The following KAZN variants were observed in gnomAD, a reference collection of about 807,000 sequenced individuals.
KAZN encodes the protein kazrin, periplakin interacting protein.
In KAZN, 40 loss-of-function variants were observed where a neutral mutation model predicts 87.4. That is an observed-to-expected ratio of 0.46 (90% confidence interval 0.36 to 0.60). The LOEUF is 0.60. KAZN is among the 20% of genes least tolerant of loss of function. The pLI, the probability that KAZN is intolerant of heterozygous loss-of-function variation, is 0.00. For missense variants in KAZN, 898 were observed against 1,073.9 expected (o/e 0.84, Z 2.29); for synonymous variants, 466 against 458.3 (o/e 1.02, Z -0.22).
chr1:13,952,863 T>A (rs1641405013), intron 1 of KAZN, among the ~76,000 whole-genome samples: 1 of 152,210 alleles, frequency 6.6e-6, no homozygotes, highest in Non-Finnish European at 1.5e-5. Flanking sequence ...GGATCTCCAC[T>A]TAGTCGCCTT....
intron 2 of KAZN, among the ~76,000 whole-genome samples, chr1:14,349,786 G>A: frequency 6.6e-6 from 1 of 152,154 alleles, no homozygotes; most frequent in East Asian, 1.9e-4. Flanking sequence ...TGGCCTGGCA[G>A]GCTAAAGAGC....
intron 2 of KAZN, among the ~76,000 whole-genome samples, chr1:14,222,736 C>T (rs1647133663): frequency 6.6e-6 from 1 of 152,166 alleles, no homozygotes. Context: ...GAATGTAAGG[C>T]TATTTATTTC....
intron 1 of KAZN, among the ~76,000 whole-genome samples, chr1:13,895,622 C>T (rs375102547): frequency 6.9e-4 from 105 of 152,178 alleles, no homozygotes; most frequent in African/African-American, 2.4e-3. Context: ...GAGACCAACA[C>T]TGATACGTCT....
In KAZN at chr1:14,150,294, C is replaced by T. The variant is rs12084376; in HGVS notation, c.92-30141C>T. Among the ~76,000 whole-genome samples, 1,261 of 152,252 alleles carry T rather than the reference C, an allele frequency of 8.3e-3. 21 individuals are homozygous for T. Among genetic ancestry groups the T allele is most frequent in the African/African-American group, 0.028 (1,168 of 41,546 alleles). On this transcript the variant is annotated intron_variant, in intron 1 of 16. Transcript: ENST00000636203. ...TGAATAGCTTAGCTTAAATGGGTGC[C>T]AACTATCTGGTAACTTTATACAGCC...
rs571380499 is a variant in KAZN at position 15,018,901 on chromosome 1, C to T, written c.419-15848C>T. On this transcript the variant is annotated intron_variant, in intron 2 of 14. Coordinates refer to ENST00000376030, the MANE Select transcript of KAZN (RefSeq NM_201628.3). Reference sequence around the variant, plus strand: ...GATTCTAAAGCTCATCTTCAGATATCGTTTCCACCTGTGAGGTTGCTAGGT... The same window carrying T: ...GATTCTAAAGCTCATCTTCAGATATTGTTTCCACCTGTGAGGTTGCTAGGT... Among the ~76,000 whole-genome samples, 14 of 152,298 alleles carry T rather than the reference C, an allele frequency of 9.2e-5. No individual in the cohort carries two copies. The South Asian group carries it at 2.9e-3, about 32-fold the overall frequency.
chr1:14,481,296 G>A (rs1571757121), intron 2 of KAZN, among the ~76,000 whole-genome samples: 1 of 152,102 alleles, frequency 6.6e-6, no homozygotes, highest in South Asian at 2.1e-4. Flanking sequence ...AAATAAGTTA[G>A]TATATGAAAA....
chr1:15,048,683 T>C (rs113094701), intron 4 of KAZN, among the ~76,000 whole-genome samples: 30,326 of 134,702 alleles, frequency 0.23, 4,787 homozygotes, highest in East Asian at 0.67. Context: ...CCTGGGTCGT[T>C]GGTCCTGGGT....
intron 1 of KAZN, among the ~76,000 whole-genome samples, chr1:14,844,450 C>A (rs1369521050): frequency 6.6e-6 from 1 of 152,172 alleles, no homozygotes; most frequent in Admixed American, 6.5e-5. Context: ...TGAACAGCAA[C>A]TTTTGGAAAC....
intron 1 of KAZN, among the ~76,000 whole-genome samples, chr1:14,834,582 C>T (rs1183983863): frequency 6.6e-6 from 1 of 151,494 alleles, no homozygotes; most frequent in African/African-American, 2.4e-5. Flanking sequence ...AGGATGGTCT[C>T]GATCTCCTGA....
At position 14,406,354 on chromosome 1, in the gene KAZN, C is replaced by G. The variant is rs185531291; in HGVS notation, c.250-192629C>G. Among the ~76,000 whole-genome samples, 167 of 152,228 alleles carry G rather than the reference C, an allele frequency of 1.1e-3. 4 individuals carry two copies. The highest frequency in any genetic ancestry group is 0.011 in the Admixed American group (166 of 15,294). On this transcript the variant is annotated intron_variant, in intron 2 of 16. Coordinates refer to the KAZN transcript ENST00000636203. Reference sequence around the variant, plus strand: ...TATATACACACAATGGAAGACTACTCAGCCATAAAAAAAGAATGAGTTAAT... The same window carrying G: ...TATATACACACAATGGAAGACTACTGAGCCATAAAAAAAGAATGAGTTAAT...
chr1:14,273,567 T>G (rs1652118176), intron 2 of KAZN, among the ~76,000 whole-genome samples: 1 of 152,186 alleles, frequency 6.6e-6, no homozygotes, highest in Non-Finnish European at 1.5e-5. Context: ...CAGTTTATAT[T>G]CAAAGCTTAG....
chr1:14,968,524 C>T (rs1022874905), intron 2 of KAZN, among the ~76,000 whole-genome samples: 1 of 152,222 alleles, frequency 6.6e-6, no homozygotes, highest in African/African-American at 2.4e-5. Context: ...ACCAGGCCCT[C>T]TCTTTCCCTG....
intron 1 of KAZN, among the ~76,000 whole-genome samples, chr1:14,667,933 C>A (rs776890533): frequency 4.1e-4 from 63 of 152,246 alleles, no homozygotes; most frequent in Non-Finnish European, 5.3e-4. Context: ...ACACTTAACA[C>A]CTTAAATCCA....
chr1:14,382,922 T>C (rs954622443), intron 2 of KAZN, among the ~76,000 whole-genome samples: 21 of 151,976 alleles, frequency 1.4e-4, no homozygotes, highest in Non-Finnish European at 1.5e-4. Flanking sequence ...TGAACTAGTT[T>C]ACAGTCCCAC....
At position 14,102,361 on chromosome 1, in the gene KAZN, C is replaced by T. The variant is rs145253864; in HGVS notation, c.92-78074C>T. ...CCCGCTCGCTGAGCACCTGCCCTCA[C>T]GCCCTTTGGTTTGTAAACTGCTGCT... is the stretch of plus-strand genomic sequence containing the variant. On this transcript the variant is annotated intron_variant, in intron 1 of 16. Coordinates refer to the KAZN transcript ENST00000636203. Among the ~76,000 whole-genome samples, 360 of 152,314 alleles carry T rather than the reference C, an allele frequency of 2.4e-3. 1 individual carries two copies. Among genetic ancestry groups the T allele is most frequent in the Admixed American group, 5.1e-3 (78 of 15,300 alleles).
intron 2 of KAZN, among the ~76,000 whole-genome samples, chr1:14,267,399 TA>T (rs1479619335): frequency 6.6e-6 from 1 of 151,502 alleles, no homozygotes; most frequent in African/African-American, 2.4e-5. Context: ...ATCTATGTTT[TA>T]AGAAGGTTTA....
intron 13 of KAZN, among the ~76,000 whole-genome samples, chr1:15,107,194 C>T (rs1641325733): frequency 1.3e-5 from 2 of 152,320 alleles, no homozygotes; most frequent in South Asian, 4.1e-4. Context: ...TGAACACCTG[C>T]TGTGAGCAGG....
chr1:14,999,490 G>C (rs1476118755), intron 2 of KAZN, among the ~76,000 whole-genome samples: 2 of 140,594 alleles, frequency 1.4e-5, no homozygotes, highest in Non-Finnish European at 3.0e-5. Flanking sequence ...CCCAGGCATT[G>C]CCTGCCCCCC....
intron 2 of KAZN, among the ~76,000 whole-genome samples, chr1:14,365,368 TGGGGG>T (rs796259489): frequency 4.8e-5 from 4 of 83,158 alleles, no homozygotes; most frequent in Admixed American, 1.5e-4. Flanking sequence ...CCCCCCGGGG[TGGGGG>T]GGGGGGGGGT....
Sources: allele counts gnomAD v4.1 joint callset (sites outside exome capture counted in the v4.1 genomes callset), GRCh38; gene constraint gnomAD v4.1.1; transcripts MANE v1.5; gene names NCBI Gene and HGNC (gene_info 2026-07-23, HGNC 2026-07-21).